Variants in NPC1 observed in about 807,000 individuals in gnomAD.
The protein encoded by NPC1 is Niemann-Pick C1 protein.
Under a neutral mutation model 140.4 loss-of-function variants are expected in NPC1, and 85 were observed. The ratio of observed to expected loss-of-function variants is 0.61; its 90% CI spans 0.51 to 0.72. The LOEUF (loss-of-function observed/expected upper bound fraction) is 0.72. Ranked by LOEUF, NPC1 falls within the 30% of genes least tolerant of loss-of-function variation. NPC1 has a pLI of 0.00. For missense variants in NPC1, 1,504 were observed against 1,623.8 expected (o/e 0.93, Z 1.27); for synonymous variants, 656 against 624.8 (o/e 1.05, Z -0.74).
At chr18:23,527,611 T>TTTA (rs1555628918), downstream of NPC1, among the ~76,000 whole-genome samples, 1 of 150,624 alleles carries the variant, frequency 6.6e-6, no homozygotes, top group East Asian at 2.0e-4. Flanking sequence ...TTTTTTTTTT[T>TTTA]AACCGTAACC....
chr18:23,566,171 T>G (rs1328245902), intron 4 of NPC1, among the ~76,000 whole-genome samples: 1 of 152,040 alleles, frequency 6.6e-6, no homozygotes, highest in Non-Finnish European at 1.5e-5. Flanking sequence ...TGGGAAGATC[T>G]CCTGAGGCCA....
At chr18:23,543,864 A>G (rs2058746644) in intron 13 of NPC1, among the ~76,000 whole-genome samples, 1 of 152,188 alleles carries the variant, frequency 6.6e-6, no homozygotes, top group African/African-American at 2.4e-5. Context: ...TCTCACGTGC[A>G]CTGAGTCTCC....
Position 23,531,512 on chromosome 18 carries a change from GTATTT to G in NPC1, c.*685_*689del. On this transcript the variant is annotated 3_prime_UTR_variant, in exon 25 of 25. Transcript: ENST00000269228. ...TAACCCCAAAACTTAGGAAAACAAT[GTATTT>G]TATTAAAGAAAAATAAGTTAAAACC... The G allele has an allele frequency of 6.7e-7, 1 of 1,501,914 alleles. No homozygotes were observed. Among genetic ancestry groups the G allele is most frequent in the Non-Finnish European group, 8.8e-7 (1 of 1,133,084 alleles). The allele number at this position is 1,501,914 out of a possible 1,614,324, so 93.0% of individuals were successfully genotyped here.
intron 3 of NPC1, 34 bp downstream of exon 3, chr18:23,572,040 A>T: frequency 7.2e-7 from 1 of 1,383,186 alleles, no homozygotes; most frequent in Non-Finnish European, 1.0e-6. Context: ...AAGTATCTAC[A>T]GCCCAGTTGT....
At chr18:23,548,161 T>TA (rs1240397203) in intron 10 of NPC1, 53 bp from the exon 11 acceptor site, 2 of 1,016,274 alleles carry the variant, frequency 2.0e-6, no homozygotes, top group East Asian at 2.4e-5. Flanking sequence ...TGCAGAAAAT[T>TA]AGACACATAC....
At chr18:23,517,348 C>T (rs961548842), downstream of NPC1, among the ~76,000 whole-genome samples, 2 of 152,182 alleles carry the variant, frequency 1.3e-5, no homozygotes, top group East Asian at 1.9e-4. Flanking sequence ...CAGGGTTTCA[C>T]CATGTTGGCC....
At chr18:23,532,865 G>A (rs544125489) in intron 24 of NPC1, 50 of 985,120 alleles carry the variant, frequency 5.1e-5, no homozygotes, top group African/African-American at 2.4e-4. Context: ...TCTTTCAACC[G>A]TGGGTCATTT....
Position 23,573,495 on chromosome 18 carries a change from C to A in NPC1, c.137G>T (p.Gly46Val), listed in dbSNP as rs1425737401. 1.2e-6 allele frequency: 2 copies of A among 1,614,004 alleles called. No homozygotes were observed. The highest frequency in any genetic ancestry group is 1.7e-6 in the Non-Finnish European group (2 of 1,180,030). Reference protein sequence around the residue: ...GDKRYNCEYSGPPKPLPKDGY... With the variant: ...GDKRYNCEYSVPPKPLPKDGY... ...ATCCTTTGGCAATGGTTTTGGTGGG[C>A]CAGAATATTCGCAATTGTACCTCTT... Residue 46 changes from glycine (G) to valine (V), a missense_variant, in exon 2 of 25, where the codon GGC becomes GTC. Gly to Val is a moderately radical substitution (Grantham distance 109). Coordinates refer to ENST00000269228, the MANE Select transcript of NPC1 (RefSeq NM_000271.5).
intron 1 of NPC1, among the ~76,000 whole-genome samples, chr18:23,575,280 T>C (rs2059258495): frequency 6.6e-6 from 1 of 152,222 alleles, no homozygotes; most frequent in Non-Finnish European, 1.5e-5. Flanking sequence ...TAGGTTCCTT[T>C]TCACAAAGAT....
intron 3 of NPC1, among the ~76,000 whole-genome samples, chr18:23,512,166 G>GC (rs1013636217): frequency 8.6e-5 from 13 of 151,480 alleles, no homozygotes; most frequent in African/African-American, 2.9e-4. Context: ...GTCTACAGGC[G>GC]CCCAGCACCA....
Position 23,531,867 on chromosome 18 carries a change from CAGACAGTGCAT to C in NPC1, c.*324_*334del. The C allele has an allele frequency of 6.9e-7, 1 of 1,447,610 alleles. No individual in the cohort carries two copies. The allele number at this position is 1,447,610 out of a possible 1,614,324, so 89.7% of individuals were successfully genotyped here. On this transcript the variant is annotated 3_prime_UTR_variant, in exon 25 of 25. Transcript: ENST00000269228. ...GATGGCTTACTCCTAAAAGGAGAGA[CAGACAGTGCAT>C]TGATTGGCCTTTACAGAGTGTCAGT...
chr18:23,556,965 C>T, intron 7 of NPC1, 152 bp downstream of exon 7: 1 of 751,928 alleles, frequency 1.3e-6, no homozygotes, highest in Non-Finnish European at 2.3e-6. Context: ...GGTAGGGCCA[C>T]AAAGGCAAGG....
intron 3 of NPC1, among the ~76,000 whole-genome samples, chr18:23,516,833 CT>C (rs2074903819): frequency 6.7e-6 from 1 of 150,284 alleles, no homozygotes; most frequent in African/African-American, 2.5e-5. Flanking sequence ...TCAAACGATT[CT>C]TCTGCTTCAG....
At chr18:23,523,362 C>T (rs981060523) in intron 1 of NPC1, among the ~76,000 whole-genome samples, 15 of 151,912 alleles carry the variant, frequency 9.9e-5, no homozygotes, top group African/African-American at 3.1e-4. Context: ...GCTTCCCAGA[C>T]GAGCTCACTG....
At chr18:23,515,942 G>C in intron 3 of NPC1, 2 of 1,614,122 alleles carry the variant, frequency 1.2e-6, no homozygotes, top group Non-Finnish European at 1.7e-6. Flanking sequence ...AGAGCGCCGT[G>C]ATCTTGCTGT....
At chr18:23,540,302 C>G (rs899365640) in intron 17 of NPC1, 146 bp downstream of exon 17, 3 of 685,418 alleles carry the variant, frequency 4.4e-6, no homozygotes, top group Non-Finnish European at 7.7e-6. Context: ...CAGTGCACTG[C>G]GACAGTTCTC....
intron 5 of NPC1, among the ~76,000 whole-genome samples, chr18:23,560,939 C>G (rs947153557): frequency 6.6e-6 from 1 of 152,244 alleles, no homozygotes; most frequent in African/African-American, 2.4e-5. Context: ...ACCTCTCTTA[C>G]TGGGAGAAAC....
Position 23,556,609 on chromosome 18 carries a change from C to T in NPC1, c.960G>A (p.Glu320=). 7 of 1,614,048 alleles carry T rather than the reference C, an allele frequency of 4.3e-6. No individual in the cohort carries two copies. Among genetic ancestry groups the T allele is most frequent in the Non-Finnish European group, 5.9e-6 (7 of 1,179,980 alleles). The change falls in exon 8 of 25, where the codon GAG becomes GAA. Residue 320 remains glutamate, a synonymous_variant. Transcript: ENST00000269228. The part of the protein sequence containing the change: ...AFSVNASDKG[E]ASCCDPVSAA... ...CGCTGACAGGGTCACAGCAGGACGC[C>T]TCTCCTGGAAGAACGGGAGAGGAAG...
chr18:23,585,790 A>G lies in NPC1; in HGVS notation c.57+497T>C, dbSNP rs983456604. On this transcript the variant is annotated intron_variant, in intron 1 of 24. Coordinates refer to ENST00000269228, the MANE Select transcript of NPC1 (RefSeq NM_000271.5). Reference sequence around the variant, plus strand: ...TGATGAAAAGTAACCTGCCCTCTTTAGAAGACCAAGCTGACTTATGTCAAG... The same window carrying G: ...TGATGAAAAGTAACCTGCCCTCTTTGGAAGACCAAGCTGACTTATGTCAAG... Among the ~76,000 whole-genome samples, 3 of 152,212 alleles carry G rather than the reference A, an allele frequency of 2.0e-5. No homozygotes were observed. In the East Asian group the frequency reaches 5.8e-4, roughly 29 times the overall value.
Sources: gnomAD v4.1 joint callset for allele counts (sites outside exome capture counted in the v4.1 genomes callset) on GRCh38, gnomAD v4.1.1 for gene constraint, MANE v1.5 for transcripts, NCBI Gene and HGNC (gene_info 2026-07-23, HGNC 2026-07-21) for gene names.